The following RNF24 variants were observed in gnomAD, a reference collection of about 807,000 sequenced individuals.
RNF24 encodes ring finger protein 24.
RNF24 carries 14 observed loss-of-function variants against 20.0 expected under a neutral mutation model. The observed-to-expected ratio is 0.70, with a 90% CI of 0.46 to 1.10. The LOEUF is 1.10. Among genes scored for constraint, RNF24 ranks in the 50% least tolerant of loss-of-function variants. RNF24 has a pLI of 0.00. For synonymous variants in RNF24, 45 were observed against 61.1 expected, an observed-to-expected ratio of 0.74 and a Z score of 1.23; for missense variants, 124 against 177.6, an observed-to-expected ratio of 0.70 and a Z score of 1.71.
intron 1 of RNF24, chr20:3,974,512 G>A (rs1268388434): frequency 1.8e-6 from 2 of 1,099,212 alleles, no homozygotes; most frequent in African/African-American, 1.6e-5. Flanking sequence ...AAATCCCAAA[G>A]AATCTTCAAA....
intron 1 of RNF24, among the ~76,000 whole-genome samples, chr20:3,984,212 G>C (rs1979682562): frequency 6.6e-6 from 1 of 151,764 alleles, no homozygotes; most frequent in South Asian, 2.1e-4. Flanking sequence ...TCCAGTTTCG[G>C]TAACAGAGCT....
intron 1 of RNF24, chr20:3,974,457 G>A: frequency 7.0e-7 from 1 of 1,421,678 alleles, no homozygotes; most frequent in Non-Finnish European, 9.3e-7. Flanking sequence ...CAGAAAGGAA[G>A]AAATTAAACT....
chr20:3,982,860 T>C (rs552646070), intron 1 of RNF24, among the ~76,000 whole-genome samples: 30 of 152,202 alleles, frequency 2.0e-4, no homozygotes, highest in Admixed American at 1.6e-3. Flanking sequence ...ATGTATTCCA[T>C]CCACCCTACA....
intron 1 of RNF24, among the ~76,000 whole-genome samples, chr20:4,004,590 G>A (rs1195243701): frequency 6.6e-6 from 1 of 152,158 alleles, no homozygotes; most frequent in African/African-American, 2.4e-5. Flanking sequence ...TAGATCCAAT[G>A]GCAAGTGTCT....
At chr20:3,967,888 G>A (rs1169008435) in intron 1 of RNF24, among the ~76,000 whole-genome samples, 2 of 151,444 alleles carry the variant, frequency 1.3e-5, no homozygotes, top group African/African-American at 4.9e-5. Flanking sequence ...AGCTACTCGG[G>A]AGGCTGAGGC....
intron 1 of RNF24, among the ~76,000 whole-genome samples, chr20:3,964,338 C>T (rs902767925): frequency 4.0e-5 from 6 of 151,828 alleles, no homozygotes; most frequent in African/African-American, 1.2e-4. Flanking sequence ...CAGAGAAGTG[C>T]AAAAAGAAAA....
intron 1 of RNF24, among the ~76,000 whole-genome samples, chr20:3,992,993 T>G (rs1980576119): frequency 6.6e-6 from 1 of 152,226 alleles, no homozygotes; most frequent in Admixed American, 6.5e-5. Flanking sequence ...ACATCCAATG[T>G]AGCAATACAA....
chr20:3,931,140 C>T lies in RNF24; in HGVS notation c.*2923G>A, dbSNP rs1437714860. 6.6e-6 allele frequency: 1 copy of T among 152,220 alleles called. No homozygotes were observed. Among genetic ancestry groups the T allele is most frequent in the Non-Finnish European group, 1.5e-5 (1 of 68,060 alleles). The allele number at this position is 152,220 out of a possible 1,614,324, so 9.4% of individuals were successfully genotyped here. A position where few individuals can be genotyped will look rare whatever the true frequency, so the allele number is the denominator to read the frequency against. On this transcript the variant is annotated 3_prime_UTR_variant, in exon 6 of 6. Coordinates refer to ENST00000358395, the MANE Select transcript of RNF24 (RefSeq NM_001134337.3). ...CCCTAGCAACTACTAATGGTTCAGC[C>T]ACCCGTGGAGTCCAGTTGGGGCTGA...
Position 3,933,813 on chromosome 20 carries a change from A to G in RNF24, c.*250T>C. On this transcript the variant is annotated 3_prime_UTR_variant, in exon 6 of 6. Transcript: ENST00000358395. ...ATGGAGTTAGTAAGAGACCCTCATG[A>G]AGTTTCTTGAGGCAAACCCGCAGGC... 3.1e-6 allele frequency: 1 copy of G among 324,088 alleles called. No homozygotes were observed. 20.1% of individuals were successfully genotyped at this position (324,088 alleles called of 1,614,324 possible).
chr20:3,953,376 A>T (rs1173197744), intron 2 of RNF24, among the ~76,000 whole-genome samples: 1 of 150,032 alleles, frequency 6.7e-6, no homozygotes, highest in African/African-American at 2.5e-5. Flanking sequence ...GATGGTCTCC[A>T]TCTCCTGACC....
chr20:3,998,789 T>TTTTTTACACCA (rs1981137997), intron 1 of RNF24, among the ~76,000 whole-genome samples: 1 of 146,640 alleles, frequency 6.8e-6, no homozygotes, highest in South Asian at 2.2e-4. Flanking sequence ...AAATAAATAA[T>TTTTTTACACCA]GTAACACGTG....
At chr20:3,952,984 G>A (rs888083094) in intron 2 of RNF24, among the ~76,000 whole-genome samples, 2 of 151,976 alleles carry the variant, frequency 1.3e-5, no homozygotes, top group Admixed American at 1.3e-4. Context: ...TCCTTGTCAG[G>A]CTTTGAAATC....
intron 1 of RNF24, among the ~76,000 whole-genome samples, chr20:4,001,931 T>C (rs1981428483): frequency 2.0e-5 from 3 of 149,292 alleles, no homozygotes; most frequent in Admixed American, 1.3e-4. Context: ...TGGGCGACAG[T>C]GAGACCCTGC....
chr20:3,982,130 T>TCTCTCTCTCTCTCTCTCTCTCTCTCC (rs1568648643), intron 1 of RNF24, among the ~76,000 whole-genome samples: 2 of 150,984 alleles, frequency 1.3e-5, no homozygotes, highest in Non-Finnish European at 3.0e-5. Flanking sequence ...TCTCTCTCTC[T>TCTCTCTCTCTCTCTCTCTCTCTCTCC]CTCTCAATAA....
chr20:3,982,355 A>C (rs1299823767), intron 1 of RNF24, among the ~76,000 whole-genome samples: 1 of 151,654 alleles, frequency 6.6e-6, no homozygotes, highest in African/African-American at 2.4e-5. Context: ...AGGCGGGCAG[A>C]TCATGAGGTC....
intron 1 of RNF24, among the ~76,000 whole-genome samples, chr20:3,976,320 G>A (rs1227556206): frequency 6.6e-6 from 1 of 152,186 alleles, no homozygotes; most frequent in Non-Finnish European, 1.5e-5. Context: ...AAGCCACAAT[G>A]AGAAATTACT....
At chr20:3,970,924 T>TA (rs1193957660) in intron 1 of RNF24, among the ~76,000 whole-genome samples, 1 of 152,062 alleles carries the variant, frequency 6.6e-6, no homozygotes, top group Non-Finnish European at 1.5e-5. Flanking sequence ...TGGGCACCTG[T>TA]AATCCCAGCT....
chr20:3,945,113 C>G, intron 4 of RNF24, 64 bp downstream of exon 4: 1 of 1,569,232 alleles, frequency 6.4e-7, no homozygotes, highest in Non-Finnish European at 8.6e-7. Flanking sequence ...AGTGTTTAAA[C>G]ATACCACAGC....
At chr20:3,970,873 C>G (rs1600672545) in intron 1 of RNF24, among the ~76,000 whole-genome samples, 1 of 152,040 alleles carries the variant, frequency 6.6e-6, no homozygotes, top group South Asian at 2.1e-4. Context: ...TGGTGAAACC[C>G]TGTCTCTACT....
Sources: gnomAD v4.1 joint callset for allele counts (sites outside exome capture counted in the v4.1 genomes callset) on GRCh38, gnomAD v4.1.1 for gene constraint, MANE v1.5 for transcripts, NCBI Gene and HGNC (gene_info 2026-07-23, HGNC 2026-07-21) for gene names.